The following GABBR2 variants were observed in gnomAD, a reference collection of about 807,000 sequenced individuals.
GABBR2 encodes gamma-aminobutyric acid type B receptor subunit 2.
GABBR2 carries 23 observed loss-of-function variants against 105.6 expected under a neutral mutation model. The observed-to-expected ratio is 0.22, with a 90% CI of 0.16 to 0.31. The LOEUF is 0.31. GABBR2 is among the 10% of genes least tolerant of loss of function. The pLI is 1.00. For missense variants in GABBR2, 734 were observed against 1,245.5 expected (o/e 0.59, Z 6.18); for synonymous variants, 478 against 499.7 (o/e 0.96, Z 0.58).
At chr9:98,422,380 T>C (rs2131556306) in intron 7 of GABBR2, among the ~76,000 whole-genome samples, 1 of 152,298 alleles carries the variant, frequency 6.6e-6, no homozygotes, top group South Asian at 2.1e-4. Context: ...CAGGACAGCG[T>C]CTGGCACTAC....
rs558670791 is a variant in GABBR2 at position 98,657,401 on chromosome 9, G to A, written c.321+51016C>T. On this transcript the variant is annotated intron_variant, in intron 1 of 18. Coordinates refer to ENST00000259455, the MANE Select transcript of GABBR2 (RefSeq NM_005458.8). Reference sequence around the variant, plus strand: ...AGAATTAAAAACCCTCCCAGCAGGCGTTAACACACAGTGTGCCGTGGTCCA... The same window carrying A: ...AGAATTAAAAACCCTCCCAGCAGGCATTAACACACAGTGTGCCGTGGTCCA... 1.9e-3 allele frequency among the ~76,000 whole-genome samples: 297 copies of A among 152,312 alleles called. 1 individual carries two copies. Among genetic ancestry groups the A allele is most frequent in the Non-Finnish European group, 2.5e-3 (171 of 68,030 alleles).
chr9:98,626,037 A>G (rs947009511), intron 1 of GABBR2, among the ~76,000 whole-genome samples: 2 of 152,208 alleles, frequency 1.3e-5, no homozygotes. Context: ...AATAGAGGGG[A>G]GAGCTCCCTG....
chr9:98,502,842 G>A (rs185897517), intron 3 of GABBR2, among the ~76,000 whole-genome samples: 3 of 152,282 alleles, frequency 2.0e-5, no homozygotes, highest in Admixed American at 6.5e-5. Context: ...GTACCTTTCC[G>A]AGCAGCCACT....
intron 1 of GABBR2, among the ~76,000 whole-genome samples, chr9:98,629,226 C>T (rs925085926): frequency 6.6e-6 from 1 of 152,132 alleles, no homozygotes; most frequent in Non-Finnish European, 1.5e-5. Context: ...AATGATGTGC[C>T]TCTTTATTTA....
intron 1 of GABBR2, among the ~76,000 whole-genome samples, chr9:98,582,651 G>A (rs1339655820): frequency 2.6e-5 from 4 of 152,198 alleles, no homozygotes; most frequent in Non-Finnish European, 4.4e-5. Flanking sequence ...TTTCCTTAAA[G>A]TTAATTCCAT....
intron 1 of GABBR2, among the ~76,000 whole-genome samples, chr9:98,665,816 C>T (rs796964868): frequency 5.7e-4 from 87 of 152,196 alleles, no homozygotes; most frequent in African/African-American, 2.0e-3. Context: ...GAGCTGAGTT[C>T]CCATATGACA....
chr9:98,421,240 T>G (rs971776931), intron 7 of GABBR2, among the ~76,000 whole-genome samples: 3 of 152,236 alleles, frequency 2.0e-5, no homozygotes, highest in Non-Finnish European at 4.4e-5. Flanking sequence ...CCACATCATT[T>G]TGATGACATC....
At chr9:98,302,338 G>A (rs947875920) in intron 16 of GABBR2, among the ~76,000 whole-genome samples, 1 of 152,128 alleles carries the variant, frequency 6.6e-6, no homozygotes, top group South Asian at 2.1e-4. Context: ...AGGACATGCT[G>A]TCCACCCAGC....
chr9:98,293,091 G>A (rs1830326778), intron 18 of GABBR2, among the ~76,000 whole-genome samples: 1 of 152,162 alleles, frequency 6.6e-6, no homozygotes, highest in Non-Finnish European at 1.5e-5. Context: ...CTCATTGCTT[G>A]TCACTTCCAG....
rs10985879 is a variant in GABBR2 at position 98,325,212 on chromosome 9, C to A, written c.1894-14007G>T. 0.019 allele frequency among the ~76,000 whole-genome samples: 2,911 copies of A among 150,534 alleles called. 235 individuals carry two copies. The East Asian group carries it at 0.25, about 13-fold the overall frequency. ...TCCTTATTTTGAGCTGAAATCTATA[C>A]TTCAGGGACTTTTTCCACTGTCCCA... On this transcript the variant is annotated intron_variant, in intron 13 of 18. Transcript: ENST00000259455.
intron 7 of GABBR2, among the ~76,000 whole-genome samples, chr9:98,411,809 G>T (rs1430871125): frequency 6.6e-6 from 1 of 152,138 alleles, no homozygotes; most frequent in Non-Finnish European, 1.5e-5. Flanking sequence ...GGCCTCAAAT[G>T]ATCATCCCAC....
At chr9:98,489,371 G>A (rs189940986) in intron 4 of GABBR2, among the ~76,000 whole-genome samples, 10 of 152,304 alleles carry the variant, frequency 6.6e-5, no homozygotes, top group African/African-American at 2.4e-4. Flanking sequence ...CTGGCACAGC[G>A]CTGACGCAGG....
chr9:98,481,974 C>T (rs1826932654), intron 4 of GABBR2, among the ~76,000 whole-genome samples: 1 of 152,296 alleles, frequency 6.6e-6, no homozygotes, highest in East Asian at 1.9e-4. Context: ...TGGGATCCAG[C>T]TGCGTCCTGT....
chr9:98,668,514 CACATA>C (rs1830366163), intron 1 of GABBR2, among the ~76,000 whole-genome samples: 1 of 152,116 alleles, frequency 6.6e-6, no homozygotes, highest in Non-Finnish European at 1.5e-5. Context: ...TGGCAAAATA[CACATA>C]ACATAAAATT....
chr9:98,552,148 G>A (rs776587353), intron 2 of GABBR2: 12 of 152,162 alleles, frequency 7.9e-5, no homozygotes, highest in Non-Finnish European at 1.5e-4. Flanking sequence ...TTCTTCACCT[G>A]TTTTGGGGCA....
At chr9:98,636,150 C>T (rs570119159) in intron 1 of GABBR2, among the ~76,000 whole-genome samples, 4 of 152,124 alleles carry the variant, frequency 2.6e-5, no homozygotes, top group Non-Finnish European at 5.9e-5. Flanking sequence ...GAAATACTGG[C>T]AATTTAAGTT....
At chr9:98,522,943 G>A (rs1827893762) in intron 3 of GABBR2, among the ~76,000 whole-genome samples, 1 of 152,176 alleles carries the variant, frequency 6.6e-6, no homozygotes, top group Non-Finnish European at 1.5e-5. Flanking sequence ...GTAAACAAGT[G>A]TACTGATTTA....
At chr9:98,444,272 A>G (rs548361656) in intron 7 of GABBR2, among the ~76,000 whole-genome samples, 78 of 152,272 alleles carry the variant, frequency 5.1e-4, no homozygotes, top group Non-Finnish European at 1.0e-3. Flanking sequence ...ATGGGGCTAG[A>G]TGTTGTGGAG....
At chr9:98,680,440 G>T (rs1830529621) in intron 1 of GABBR2, among the ~76,000 whole-genome samples, 1 of 151,936 alleles carries the variant, frequency 6.6e-6, no homozygotes, top group African/African-American at 2.4e-5. Context: ...CGAGTAGCTG[G>T]GACTACAGGC....
Sources: gnomAD v4.1 joint callset for allele counts (sites outside exome capture counted in the v4.1 genomes callset) on GRCh38, gnomAD v4.1.1 for gene constraint, MANE v1.5 for transcripts, NCBI Gene and HGNC (gene_info 2026-07-23, HGNC 2026-07-21) for gene names.